The following TRIM37 variants were observed in gnomAD, a reference collection of about 807,000 sequenced individuals.
TRIM37 encodes the protein E3 ubiquitin-protein ligase TRIM37.
Under a neutral mutation model 129.8 loss-of-function variants are expected in TRIM37, and 80 were observed. That is an observed-to-expected ratio of 0.62 (90% CI 0.51 to 0.74). The LOEUF is 0.74. TRIM37 is among the 30% of genes least tolerant of loss of function. The pLI is 0.00. For synonymous variants in TRIM37, 389 were observed against 387.1 expected, an observed-to-expected ratio of 1.00 and a Z score of -0.06; for missense variants, 1,054 against 1,176.5, an observed-to-expected ratio of 0.90 and a Z score of 1.52.
At position 58,990,178 on chromosome 17, in the gene TRIM37, C is replaced by CAAAA. The variant is rs35076409; in HGVS notation, c.2892-7261_2892-7258dup. 2.3e-4 allele frequency among the ~76,000 whole-genome samples: 6 copies of CAAAA among 25,618 alleles called. 1 individual carries two copies. Among genetic ancestry groups the CAAAA allele is most frequent in the Admixed American group, 1.6e-3 (2 of 1,276 alleles). 16.8% of individuals were successfully genotyped at this position (25,618 alleles called of 152,430 possible). On this transcript the variant is annotated intron_variant, in intron 24 of 24. Coordinates refer to the TRIM37 transcript ENST00000393066. Reference sequence around the variant, plus strand: ...TGGGTGACAAAGCAAGACCTTGTCTCAAAAAAAAAAAAAAAAAAAAAAAAA... The same window carrying CAAAA: ...TGGGTGACAAAGCAAGACCTTGTCTCAAAAAAAAAAAAAAAAAAAAAAAAAAAAA...
At chr17:59,039,092 T>C (rs557981279) in intron 17 of TRIM37, among the ~76,000 whole-genome samples, 5 of 152,278 alleles carry the variant, frequency 3.3e-5, no homozygotes, top group Middle Eastern at 3.4e-3. Context: ...CAGGGCCTAA[T>C]TGTAATGCAT....
chr17:59,072,852 G>C (rs1159840839), intron 8 of TRIM37, among the ~76,000 whole-genome samples: 3 of 151,968 alleles, frequency 2.0e-5, no homozygotes, highest in Non-Finnish European at 4.4e-5. Flanking sequence ...ATCAACCAAT[G>C]ACATAATGGT....
chr17:58,991,444 G>A (rs567885216), intron 24 of TRIM37, among the ~76,000 whole-genome samples: 32 of 152,220 alleles, frequency 2.1e-4, no homozygotes, highest in African/African-American at 7.7e-4. Flanking sequence ...GCTGAGACAG[G>A]AGAATCGCTT....
chr17:59,044,558 G>A (rs1021005592), intron 16 of TRIM37, among the ~76,000 whole-genome samples: 1 of 151,818 alleles, frequency 6.6e-6, no homozygotes, highest in Non-Finnish European at 1.5e-5. Context: ...GCGAAACTCC[G>A]TCTCAAAAAA....
intron 13 of TRIM37, 40 bp downstream of exon 13, chr17:59,056,835 C>T (rs761338949): frequency 5.5e-6 from 8 of 1,464,550 alleles, no homozygotes; most frequent in Non-Finnish European, 6.5e-6. Flanking sequence ...GATATTATTT[C>T]CCCACAATAA....
intron 16 of TRIM37, among the ~76,000 whole-genome samples, chr17:59,044,732 G>T (rs1287729676): frequency 6.6e-6 from 1 of 152,168 alleles, no homozygotes; most frequent in Non-Finnish European, 1.5e-5. Flanking sequence ...GATGTGCATA[G>T]GTTATATGCA....
At position 59,032,180 on chromosome 17, in the gene TRIM37, C is replaced by G; in HGVS notation, c.1754-90G>C. On this transcript the variant is annotated intron_variant, in intron 17 of 23. Coordinates refer to ENST00000262294, the MANE Select transcript of TRIM37 (RefSeq NM_015294.6). ...TGAACTGGTTAACATTATATGAATA[C>G]TTGTCTATGGACCTATCTCTTAGGA... 3.8e-6 allele frequency: 5 copies of G among 1,312,080 alleles called. No homozygotes were observed. The South Asian group carries it at 5.9e-5, about 16-fold the overall frequency. 81.3% of individuals were successfully genotyped at this position (1,312,080 alleles called of 1,614,324 possible). A position where few individuals can be genotyped will look rare whatever the true frequency, so the allele number is the denominator to read the frequency against.
chr17:59,081,093 T>C lies in TRIM37; in HGVS notation c.492+4A>G, dbSNP rs757701684. 2.5e-6 allele frequency: 4 copies of C among 1,605,502 alleles called. No homozygotes were observed. In the South Asian group the frequency reaches 4.4e-5, roughly 18 times the overall value. ...AAATAATTATATTTTAGTAGTAGTC[T>C]TACCACTTCTTGAACTAAGCTGATC... On this transcript the variant is annotated splice_donor_region_variant and intron_variant, in intron 6 of 23. Coordinates refer to ENST00000262294, the MANE Select transcript of TRIM37 (RefSeq NM_015294.6).
chr17:58,998,525 A>T lies in TRIM37; in HGVS notation c.*852T>A, dbSNP rs1309705631. On this transcript the variant is annotated 3_prime_UTR_variant, in exon 24 of 24. Coordinates refer to ENST00000262294, the MANE Select transcript of TRIM37 (RefSeq NM_015294.6). ...TTATATCACAGTTTCACGTTCATGTAAGCCACTGTGCAACATGAATGAATC... is the reference window on the plus strand; with the variant it reads ...TTATATCACAGTTTCACGTTCATGTTAGCCACTGTGCAACATGAATGAATC... 1 of 985,202 alleles carries T rather than the reference A, an allele frequency of 1.0e-6. No individual in the cohort carries two copies. The highest frequency in any genetic ancestry group is 1.7e-5 in the African/African-American group (1 of 57,260). 61.0% of individuals were successfully genotyped at this position (985,202 alleles called of 1,614,324 possible).
chr17:59,095,478 G>C (rs2044763048), intron 2 of TRIM37, among the ~76,000 whole-genome samples: 1 of 152,126 alleles, frequency 6.6e-6, no homozygotes, highest in Non-Finnish European at 1.5e-5. Flanking sequence ...CAAGGTTGCA[G>C]GGAAATGGAG....
chr17:58,992,503 C>G (rs2032550393), intron 24 of TRIM37, among the ~76,000 whole-genome samples: 1 of 151,784 alleles, frequency 6.6e-6, no homozygotes, highest in Admixed American at 6.6e-5. Context: ...GCCTCAGTCT[C>G]CCAAGTAGTT....
intron 12 of TRIM37, among the ~76,000 whole-genome samples, chr17:59,057,918 C>T (rs1019050050): frequency 3.3e-5 from 5 of 152,084 alleles, no homozygotes; most frequent in Non-Finnish European, 5.9e-5. Context: ...AGGTATAAAA[C>T]AACACCTCAA....
At chr17:59,057,800 G>A (rs576821433) in intron 12 of TRIM37, among the ~76,000 whole-genome samples, 2 of 152,182 alleles carry the variant, frequency 1.3e-5, no homozygotes, top group South Asian at 2.1e-4. Flanking sequence ...CTGGGATTAC[G>A]GGTGTGAGCC....
chr17:59,041,757 A>G, intron 17 of TRIM37, 56 bp downstream of exon 17: 4 of 1,282,352 alleles, frequency 3.1e-6, no homozygotes, highest in Non-Finnish European at 3.4e-6. Context: ...TAATACAGTC[A>G]GAGAAGAGCA....
At position 59,047,800 on chromosome 17, in the gene TRIM37, T is replaced by A; in HGVS notation, c.1550A>T (p.Asp517Val). The change falls in exon 16 of 24, where the codon GAT (aspartate) becomes GTT (valine). Residue 517 changes from aspartate (D) to valine (V), a missense_variant. This residue lies in a region of TRIM37 where 752 missense variants were observed against 870.8 expected (regional missense o/e 0.86). Coordinates refer to ENST00000262294, the MANE Select transcript of TRIM37 (RefSeq NM_015294.6). ...CTCATAAACAAGATCCAGATCCAGA[T>A]CTCCATCTGAAAGCTCGTGCTAGAT... is the stretch of plus-strand genomic sequence containing the variant. ...EDYHHELSDG[D>V]LDLDLVYEDE... The A allele has an allele frequency of 6.2e-7, 1 of 1,614,072 alleles. No individual in the cohort carries two copies. Among genetic ancestry groups the A allele is most frequent in the Non-Finnish European group, 8.5e-7 (1 of 1,180,044 alleles).
chr17:59,055,502 G>A (rs758024484), intron 13 of TRIM37, among the ~76,000 whole-genome samples: 11 of 151,760 alleles, frequency 7.2e-5, no homozygotes, highest in Non-Finnish European at 1.3e-4. Context: ...AGACCATCCT[G>A]GCTAACACGG....
chr17:59,032,029 G>T lies in TRIM37; in HGVS notation c.1815C>A (p.Ser605=). 1 of 1,614,062 alleles carries T rather than the reference G, an allele frequency of 6.2e-7. No individual in the cohort carries two copies. The highest frequency in any genetic ancestry group is 8.5e-7 in the Non-Finnish European group (1 of 1,180,024). Residue 605 remains serine (S), a synonymous_variant, in exon 18 of 24, where the codon TCC becomes TCA. Transcript: ENST00000262294. The stretch of plus-strand genomic sequence containing the variant: ...TGTCTAGTAAACTACTGGTAGCAGC[G>T]GAGCATAAATGTGTTCTTCTTGATA... ...SRISRRTHLC[S]AATSSLLDID...
rs553467687 is a variant in TRIM37 at position 59,106,672 on chromosome 17, C to A, written c.-211G>T. 6.4e-6 allele frequency: 4 copies of A among 628,730 alleles called. No homozygotes were observed. Among genetic ancestry groups the A allele is most frequent in the Admixed American group, 5.3e-5 (2 of 37,498 alleles). 38.9% of individuals were successfully genotyped at this position (628,730 alleles called of 1,614,324 possible). ...GCCATTTTTACCGGCGCGCCCGCCC[C>A]GAGGCGCAGAAGTAGGGCGAACGGT... is the stretch of plus-strand genomic sequence containing the variant. On this transcript the variant is annotated 5_prime_UTR_variant, in exon 1 of 24. Transcript: ENST00000262294.
intron 12 of TRIM37, among the ~76,000 whole-genome samples, chr17:59,060,756 T>C (rs2041410310): frequency 6.6e-6 from 1 of 152,154 alleles, no homozygotes; most frequent in South Asian, 2.1e-4. Context: ...CAAAATGATA[T>C]TTTAAAAAAA....
Sources: gnomAD v4.1 joint callset for allele counts (sites outside exome capture counted in the v4.1 genomes callset) on GRCh38, gnomAD v4.1.1 for gene constraint, gnomAD v4.1.1 regional missense constraint, MANE v1.5 for transcripts, NCBI Gene and HGNC (gene_info 2026-07-23, HGNC 2026-07-21) for gene names.